PRDM6: variants seen among roughly 807,000 people sequenced by gnomAD.
PRDM6 encodes PR/SET domain 6.
A neutral mutation model predicts 60.8 loss-of-function variants in PRDM6; 25 were observed. That is an observed-to-expected ratio of 0.41 (90% CI 0.30 to 0.57). PRDM6 has a LOEUF of 0.57. Ranked by LOEUF, PRDM6 falls within the 20% of genes least tolerant of loss-of-function variation. PRDM6 has a pLI of 0.27. For synonymous variants in PRDM6, 407 were observed against 357.4 expected (o/e 1.14, Z -1.57); for missense variants, 839 against 821.3 (o/e 1.02, Z -0.26).
intron 3 of PRDM6, among the ~76,000 whole-genome samples, chr5:123,137,297 T>C (rs1200893266): frequency 6.6e-6 from 1 of 152,218 alleles, no homozygotes; most frequent in Non-Finnish European, 1.5e-5. Flanking sequence ...CAAATCACTA[T>C]TGGTGTCTTG....
At chr5:123,184,331 A>G (rs1766233110) in intron 7 of PRDM6, among the ~76,000 whole-genome samples, 3 of 152,172 alleles carry the variant, frequency 2.0e-5, no homozygotes, top group Admixed American at 6.5e-5. Context: ...AAGTCTAATT[A>G]AGATGCTCAC....
intron 3 of PRDM6, among the ~76,000 whole-genome samples, chr5:123,135,601 C>T (rs529839930): frequency 1.3e-5 from 2 of 152,256 alleles, no homozygotes; most frequent in South Asian, 4.1e-4. Context: ...CTCCCTCCAC[C>T]CCCTGCAACT....
intron 3 of PRDM6, among the ~76,000 whole-genome samples, chr5:123,100,822 T>G (rs985251560): frequency 6.6e-6 from 1 of 152,230 alleles, no homozygotes; most frequent in Non-Finnish European, 1.5e-5. Flanking sequence ...TCTGAAGAGA[T>G]AGATGCCTAT....
intron 3 of PRDM6, among the ~76,000 whole-genome samples, chr5:123,125,286 T>C (rs2150220155): frequency 6.6e-6 from 1 of 152,290 alleles, no homozygotes; most frequent in South Asian, 2.1e-4. Context: ...TTTTAAGTCT[T>C]GGTGACTCAT....
rs963277429 is a variant in PRDM6 at position 123,193,893 on chromosome 5, G to A, written c.*6692G>A. The A allele has an allele frequency of 2.6e-4, 39 of 152,262 alleles. No individual in the cohort carries two copies. The highest frequency in any genetic ancestry group is 8.4e-4 in the African/African-American group (35 of 41,540). The allele number at this position is 152,262 out of a possible 1,614,324, so 9.4% of individuals were successfully genotyped here. A position where few individuals can be genotyped will look rare whatever the true frequency, so the allele number is the denominator to read the frequency against. On this transcript the variant is annotated 3_prime_UTR_variant, in exon 8 of 8. Coordinates refer to ENST00000407847, the MANE Select transcript of PRDM6 (RefSeq NM_001136239.4). ...TTCCACCAAATAAAATGGTTAGAGT[G>A]AATGCCCAGTTTCACATCTGCCTTT...
intron 3 of PRDM6, among the ~76,000 whole-genome samples, chr5:123,116,370 C>T (rs1764447852): frequency 6.6e-6 from 1 of 152,226 alleles, no homozygotes; most frequent in African/African-American, 2.4e-5. Flanking sequence ...GTGAATGACT[C>T]ATGCACTCAT....
chr5:123,145,178 G>C (rs1226602877), intron 3 of PRDM6, among the ~76,000 whole-genome samples: 1 of 152,090 alleles, frequency 6.6e-6, no homozygotes, highest in Non-Finnish European at 1.5e-5. Flanking sequence ...GGTCCTTTTT[G>C]CAAAATTGTA....
At chr5:123,135,469 C>T (rs962026454) in intron 3 of PRDM6, among the ~76,000 whole-genome samples, 1 of 152,148 alleles carries the variant, frequency 6.6e-6, no homozygotes, top group Non-Finnish European at 1.5e-5. Flanking sequence ...GTGGCTTGTG[C>T]ATGTCCAAGG....
chr5:123,151,807 A>G (rs1440302539), intron 3 of PRDM6, among the ~76,000 whole-genome samples: 1 of 152,202 alleles, frequency 6.6e-6, no homozygotes, highest in Non-Finnish European at 1.5e-5. Flanking sequence ...TGTCCTGGGA[A>G]CTGTCTCAGA....
intron 2 of PRDM6, among the ~76,000 whole-genome samples, chr5:123,097,644 T>TTC (rs1163715468): frequency 6.6e-6 from 1 of 151,720 alleles, no homozygotes; most frequent in East Asian, 1.9e-4. Flanking sequence ...TCACAATCAA[T>TTC]AAGCTTGAGA....
At chr5:123,116,341 A>G (rs1225518336) in intron 3 of PRDM6, among the ~76,000 whole-genome samples, 1 of 152,206 alleles carries the variant, frequency 6.6e-6, no homozygotes, top group African/African-American at 2.4e-5. Context: ...ATTCAGTTTG[A>G]ATTATAAGTC....
At chr5:123,151,865 C>G (rs1187224322) in intron 3 of PRDM6, among the ~76,000 whole-genome samples, 3 of 152,104 alleles carry the variant, frequency 2.0e-5, no homozygotes, top group East Asian at 1.9e-4. Flanking sequence ...TCATCAACCC[C>G]TCATTTTTTA....
At chr5:123,098,343 C>T (rs1259823828) in intron 2 of PRDM6, among the ~76,000 whole-genome samples, 1 of 152,226 alleles carries the variant, frequency 6.6e-6, no homozygotes, top group African/African-American at 2.4e-5. Context: ...GCGGGGTCGC[C>T]GTGGCTCCTC....
chr5:123,150,658 C>T (rs1242141211), intron 3 of PRDM6, among the ~76,000 whole-genome samples: 1 of 152,122 alleles, frequency 6.6e-6, no homozygotes, highest in Non-Finnish European at 1.5e-5. Flanking sequence ...CCCCAATTTT[C>T]TGAATTTTAT....
intron 3 of PRDM6, among the ~76,000 whole-genome samples, chr5:123,143,231 C>T (rs1199047519): frequency 6.6e-6 from 1 of 150,614 alleles, no homozygotes; most frequent in East Asian, 1.9e-4. Flanking sequence ...AAACTATGAA[C>T]CTTCTTCCCA....
intron 6 of PRDM6, among the ~76,000 whole-genome samples, chr5:123,173,140 G>A (rs568765753): frequency 6.0e-5 from 9 of 150,252 alleles, no homozygotes; most frequent in East Asian, 5.9e-4. Flanking sequence ...GCAGTGAGCC[G>A]AGATCGCACC....
intron 3 of PRDM6, among the ~76,000 whole-genome samples, chr5:123,147,940 T>C (rs369526804): frequency 2.5e-4 from 38 of 152,300 alleles, no homozygotes; most frequent in South Asian, 6.2e-4. Flanking sequence ...TGAGTCCCCA[T>C]GTCATAATCC....
At chr5:123,107,250 G>A (rs555115484) in intron 3 of PRDM6, among the ~76,000 whole-genome samples, 4 of 152,250 alleles carry the variant, frequency 2.6e-5, no homozygotes, top group South Asian at 4.2e-4. Flanking sequence ...TTGTTTGATT[G>A]CAGATCTAAA....
intron 6 of PRDM6, among the ~76,000 whole-genome samples, chr5:123,175,353 A>T (rs984171201): frequency 2.0e-5 from 3 of 152,160 alleles, no homozygotes; most frequent in Admixed American, 2.0e-4. Context: ...TGTTTTAAGT[A>T]TCATTGTTTG....
Sources: allele counts gnomAD v4.1 joint callset (sites outside exome capture counted in the v4.1 genomes callset), GRCh38; gene constraint gnomAD v4.1.1; transcripts MANE v1.5; gene names NCBI Gene and HGNC (gene_info 2026-07-23, HGNC 2026-07-21).